Variants in STPG4 observed in about 807,000 individuals in gnomAD.
The protein encoded by STPG4 is sperm-tail PG-rich repeat containing 4.
STPG4 carries 41 observed loss-of-function variants against 31.5 expected under a neutral mutation model. The ratio of observed to expected loss-of-function variants is 1.30; its 90% confidence interval spans 1.01 to 1.69. The LOEUF (loss-of-function observed/expected upper bound fraction) is 1.69. Ranked by LOEUF, STPG4 falls within the 40% of genes most tolerant of loss-of-function variation. STPG4 has a pLI of 0.00. For missense variants in STPG4, 375 were observed against 293.4 expected, an observed-to-expected ratio of 1.28 and a Z score of -2.03; for synonymous variants, 141 against 103.0, an observed-to-expected ratio of 1.37 and a Z score of -2.24.
At chr2:47,104,629 AG>A (rs1685867515) in intron 5 of STPG4, among the ~76,000 whole-genome samples, 2 of 151,958 alleles carry the variant, frequency 1.3e-5, no homozygotes, top group Non-Finnish European at 2.9e-5. Flanking sequence ...CCAGGGGTTT[AG>A]GGATAGCCCT....
At chr2:47,097,240 TGA>T (rs1263116778) in intron 5 of STPG4, among the ~76,000 whole-genome samples, 8 of 152,172 alleles carry the variant, frequency 5.3e-5, no homozygotes, top group African/African-American at 1.9e-4. Flanking sequence ...TCCTTTAATA[TGA>T]GATATGACTC....
intron 5 of STPG4, among the ~76,000 whole-genome samples, chr2:47,110,036 C>T (rs182418911): frequency 2.0e-5 from 3 of 146,560 alleles, no homozygotes; most frequent in Middle Eastern, 3.4e-3. Flanking sequence ...ATATTTCTGA[C>T]ATCAAAGAAA....
intron 6 of STPG4, 35 bp downstream of exon 6, chr2:47,090,235 G>A (rs940022667): frequency 2.4e-5 from 35 of 1,429,802 alleles, no homozygotes; most frequent in Non-Finnish European, 3.4e-5. Context: ...CATACCCCTA[G>A]GGGTGGGGGG....
chr2:47,097,811 G>T (rs1685702376), intron 5 of STPG4, among the ~76,000 whole-genome samples: 1 of 152,070 alleles, frequency 6.6e-6, no homozygotes, highest in Non-Finnish European at 1.5e-5. Context: ...GTCTGCATAG[G>T]CTCCTGTCAA....
At chr2:47,120,021 A>T (rs939800586) in intron 5 of STPG4, among the ~76,000 whole-genome samples, 4 of 152,182 alleles carry the variant, frequency 2.6e-5, no homozygotes, top group African/African-American at 4.8e-5. Flanking sequence ...TGGATAAAAA[A>T]GAGGCTTGGT....
In STPG4 at chr2:47,119,830, TG is replaced by T. The variant is rs200744336; in HGVS notation, c.519+10110del. Reference sequence around the variant, plus strand: ...AATGTTTAAGTCCTGACCTCCGCAGTGGCTTGCAGGTAAGAATTTTTAAGGG... The same window carrying T: ...AATGTTTAAGTCCTGACCTCCGCAGTGCTTGCAGGTAAGAATTTTTAAGGG... On this transcript the variant is annotated intron_variant, in intron 5 of 6. Transcript: ENST00000445927. Among the ~76,000 whole-genome samples the T allele has an allele frequency of 7.2e-3, 1,096 of 152,272 alleles. 14 individuals carry two copies. Among genetic ancestry groups the T allele is most frequent in the African/African-American group, 0.025 (1,051 of 41,558 alleles).
chr2:47,120,166 A>G (rs1163517584), intron 5 of STPG4, among the ~76,000 whole-genome samples: 2 of 152,118 alleles, frequency 1.3e-5, no homozygotes, highest in Non-Finnish European at 2.9e-5. Context: ...CCCCTTCTCT[A>G]CTAAAAATAC....
chr2:47,153,286 T>C (rs1375582435), intron 1 of STPG4, among the ~76,000 whole-genome samples: 1 of 152,220 alleles, frequency 6.6e-6, no homozygotes, highest in African/African-American at 2.4e-5. Context: ...GTATCTTAAA[T>C]GTGACAAAAT....
At chr2:47,094,412 C>G (rs988358405) in intron 5 of STPG4, among the ~76,000 whole-genome samples, 5 of 152,194 alleles carry the variant, frequency 3.3e-5, no homozygotes, top group African/African-American at 1.2e-4. Flanking sequence ...ATGATTACAT[C>G]TCAACCCTCC....
intron 3 of STPG4, among the ~76,000 whole-genome samples, chr2:47,148,632 G>A (rs1034667159): frequency 2.0e-5 from 3 of 151,994 alleles, no homozygotes; most frequent in Non-Finnish European, 4.4e-5. Flanking sequence ...CTGCACCCGT[G>A]AACTCGTCAT....
intron 5 of STPG4, among the ~76,000 whole-genome samples, chr2:47,099,598 G>T (rs941770996): frequency 6.6e-6 from 1 of 152,370 alleles, no homozygotes; most frequent in South Asian, 2.1e-4. Flanking sequence ...GCTCGCTCTC[G>T]GCGCCTCCTC....
intron 6 of STPG4, among the ~76,000 whole-genome samples, 179 bp downstream of exon 6, chr2:47,090,091 T>A (rs1200154621): frequency 6.6e-6 from 1 of 152,164 alleles, no homozygotes; most frequent in Non-Finnish European, 1.5e-5. Flanking sequence ...CATCCAGGTA[T>A]TTGAGGATTT....
intron 5 of STPG4, among the ~76,000 whole-genome samples, chr2:47,096,734 A>T (rs371474428): frequency 3.9e-5 from 6 of 152,336 alleles, no homozygotes; most frequent in South Asian, 2.1e-4. Flanking sequence ...TTTAGGCCAG[A>T]GATTCTGGCA....
chr2:47,140,497 G>A (rs1411877297), intron 3 of STPG4, among the ~76,000 whole-genome samples: 3 of 152,282 alleles, frequency 2.0e-5, no homozygotes, highest in East Asian at 3.9e-4. Flanking sequence ...TTCAGTTGTA[G>A]TTCAGGTGTT....
intron 3 of STPG4, among the ~76,000 whole-genome samples, chr2:47,148,640 C>A (rs993061916): frequency 2.0e-5 from 3 of 152,088 alleles, no homozygotes; most frequent in African/African-American, 7.2e-5. Flanking sequence ...GTGAACTCGT[C>A]ATTTACATTA....
intron 2 of STPG4, 130 bp downstream of exon 2, chr2:47,152,827 A>T (rs1015513124): frequency 5.4e-6 from 3 of 552,674 alleles, no homozygotes; most frequent in Non-Finnish European, 8.8e-6. Context: ...TAAGTATGAC[A>T]TGAGGTCCAT....
intron 5 of STPG4, 157 bp downstream of exon 5, chr2:47,129,784 G>T: frequency 1.2e-6 from 1 of 849,232 alleles, no homozygotes; most frequent in Non-Finnish European, 1.8e-6. Context: ...TCTTACAGAG[G>T]TGTTTTCTTG....
At chr2:47,090,419 A>C in intron 5 of STPG4, 45 bp from the exon 6 acceptor site, 1 of 1,249,108 alleles carries the variant, frequency 8.0e-7, no homozygotes, top group Non-Finnish European at 1.1e-6. Context: ...TGTACATTTG[A>C]TATATTTTAA....
At position 47,127,252 on chromosome 2, in the gene STPG4, C is replaced by CTTTTTTTTTTTTT. The variant is rs57475505; in HGVS notation, c.519+2676_519+2688dup. On this transcript the variant is annotated intron_variant, in intron 5 of 6. Transcript: ENST00000445927. Reference sequence around the variant, plus strand: ...CAAATAGCTTGTCTTCAAGCTAATTCTTTTTTTTTTTTTTTTTTTTTTTTT... The same window carrying CTTTTTTTTTTTTT: ...CAAATAGCTTGTCTTCAAGCTAATTCTTTTTTTTTTTTTTTTTTTTTTTTTTTTTTTTTTTTTT... Among the ~76,000 whole-genome samples, 87 of 57,476 alleles carry CTTTTTTTTTTTTT rather than the reference C, an allele frequency of 1.5e-3. 17 individuals are homozygous for CTTTTTTTTTTTTT. The highest frequency in any genetic ancestry group is 3.7e-3 in the African/African-American group (36 of 9,674). 37.7% of individuals were successfully genotyped at this position (57,476 alleles called of 152,430 possible).
Sources: allele counts gnomAD v4.1 joint callset (sites outside exome capture counted in the v4.1 genomes callset), GRCh38; gene constraint gnomAD v4.1.1; transcripts MANE v1.5; gene names NCBI Gene and HGNC (gene_info 2026-07-23, HGNC 2026-07-21).